NEB: variants seen among roughly 807,000 people sequenced by gnomAD.
The protein encoded by NEB is nemaline myopathy type 2.
Under a neutral mutation model 952.2 loss-of-function variants are expected in NEB, and 512 were observed. The ratio of observed to expected loss-of-function variants is 0.54; its 90% CI spans 0.50 to 0.58. The LOEUF (loss-of-function observed/expected upper bound fraction) is 0.58, where lower values mean the gene tolerates loss of function less well. Ranked by LOEUF, NEB falls within the 20% of genes least tolerant of loss-of-function variation. The pLI is 0.00. For missense variants in NEB, 8,428 were observed against 9,231.1 expected, an observed-to-expected ratio of 0.91 and a Z score of 3.56; for synonymous variants, 2,900 against 3,149.8, an observed-to-expected ratio of 0.92 and a Z score of 2.66.
chr2:151,493,578 C>A, intron 175 of NEB, 133 bp from the exon 176 acceptor site: 2 of 735,932 alleles, frequency 2.7e-6, no homozygotes, highest in Non-Finnish European at 4.3e-6. Context: ...TAAAATGTTA[C>A]GGTAGGAAGC....
intron 143 of NEB, chr2:151,532,216 C>T (rs1005628264): frequency 8.8e-6 from 2 of 226,692 alleles, no homozygotes; most frequent in Non-Finnish European, 8.7e-6. Flanking sequence ...TCTGCCTCAG[C>T]CTCCCAAGTT....
intron 153 of NEB, among the ~76,000 whole-genome samples, chr2:151,523,971 C>A (rs371358588): frequency 2.0e-5 from 3 of 152,284 alleles, no homozygotes; most frequent in African/African-American, 7.2e-5. Context: ...TCCCAGGTGA[C>A]TCAAGTATGA....
intron 71 of NEB, among the ~76,000 whole-genome samples, chr2:151,623,796 C>T (rs1366969551): frequency 6.6e-6 from 1 of 151,770 alleles, no homozygotes; most frequent in Non-Finnish European, 1.5e-5. Context: ...TACATTTTTT[C>T]TTTAGGAATA....
chr2:151,717,914 C>T (rs963458378), intron 9 of NEB, among the ~76,000 whole-genome samples: 3 of 145,540 alleles, frequency 2.1e-5, no homozygotes, highest in South Asian at 2.2e-4. Flanking sequence ...AATGCAGTAG[C>T]GCGATCTCGG....
At chr2:151,618,604 A>T in intron 73 of NEB, 126 bp from the exon 74 acceptor site, 1 of 957,844 alleles carries the variant, frequency 1.0e-6, no homozygotes, top group Non-Finnish European at 1.6e-6. Context: ...ATAGTCATTC[A>T]CTCACTCACG....
At chr2:151,619,382 C>T (rs1315114835) in intron 73 of NEB, 69 bp downstream of exon 73, 1 of 1,418,044 alleles carries the variant, frequency 7.1e-7, no homozygotes, top group Non-Finnish European at 9.5e-7. Context: ...TTCATTGGCA[C>T]TAGTCAGAAC....
chr2:151,703,006 G>C (rs1024089111), intron 13 of NEB, among the ~76,000 whole-genome samples: 39 of 151,894 alleles, frequency 2.6e-4, no homozygotes, highest in African/African-American at 9.4e-4. Context: ...ACCGGTTGTT[G>C]CTTTCCATGT....
rs946188918 is a variant in NEB at position 151,499,317 on chromosome 2, T to C, written c.24095A>G (p.Asn8032Ser). The C allele has an allele frequency of 3.9e-6, 6 of 1,523,714 alleles. No homozygotes were observed. The highest frequency in any genetic ancestry group is 5.3e-6 in the Non-Finnish European group (6 of 1,132,082). The allele number at this position is 1,523,714 out of a possible 1,614,324, so 94.4% of individuals were successfully genotyped here. The change falls in exon 169 of 182, where the codon AAT becomes AGT. Residue 8032 changes from asparagine (N) to serine (S), a missense_variant. Coordinates refer to ENST00000397345, the MANE Select transcript of NEB (RefSeq NM_001164508.2). ...ITPEMERVKH[N>S]QENFSSVLYK... Reference sequence around the variant, plus strand: ...AAATACCGAACTAAAGTTTTCTTGATTGTGTTTGACTCTCTCCATCTCTGG... The same window carrying C: ...AAATACCGAACTAAAGTTTTCTTGACTGTGTTTGACTCTCTCCATCTCTGG...
intron 164 of NEB, 42 bp downstream of exon 164, chr2:151,506,124 G>T: frequency 6.7e-7 from 1 of 1,493,940 alleles, no homozygotes; most frequent in Non-Finnish European, 9.3e-7. Flanking sequence ...AATTATCAAA[G>T]GGAGGCAGAA....
At chr2:151,555,154 C>A (rs747370639) in intron 124 of NEB, 110 bp from the exon 125 acceptor site, 40 of 721,852 alleles carry the variant, frequency 5.5e-5, no homozygotes, top group Non-Finnish European at 9.1e-5. Flanking sequence ...ATCCACCCAG[C>A]GTTGGGGACA....
At chr2:151,713,619 AG>A (rs1161553011) in intron 10 of NEB, among the ~76,000 whole-genome samples, 1 of 152,174 alleles carries the variant, frequency 6.6e-6, no homozygotes, top group Non-Finnish European at 1.5e-5. Context: ...TGGATCTGGA[AG>A]GGAGCAGAGA....
chr2:151,497,954 T>G, intron 170 of NEB: 1 of 1,439,512 alleles, frequency 6.9e-7, no homozygotes, highest in Non-Finnish European at 9.0e-7. Context: ...GTTATTTTTT[T>G]TCATTTTTGT....
intron 77 of NEB, among the ~76,000 whole-genome samples, chr2:151,613,842 T>C (rs2098109644): frequency 6.6e-6 from 1 of 152,212 alleles, no homozygotes; most frequent in Admixed American, 6.5e-5. Flanking sequence ...GTAAGTTTCC[T>C]GAGGCCTTCC....
chr2:151,664,022 T>A (rs76545410), intron 44 of NEB, among the ~76,000 whole-genome samples, 163 bp from the exon 45 acceptor site: 1 of 1,134 alleles, frequency 8.8e-4, no homozygotes, highest in Non-Finnish European at 0.062. Flanking sequence ...TTTTACTTCA[T>A]TTTTTTTTTT....
Position 151,533,464 on chromosome 2 carries a change from T to A in NEB, c.21395A>T (p.Tyr7132Phe). Residue 7132 changes from tyrosine (Y) to phenylalanine (F), a missense_variant, in exon 143 of 182, where the codon TAC becomes TTC. Transcript: ENST00000397345. Reference protein sequence around the residue: ...ILRPDMLTALYNSHMWSQIKY... With the variant: ...ILRPDMLTALFNSHMWSQIKY... ...TACCTGGCTCCACATATGCGAATTGTAGAGAGCAGTCAACATATCTGGACG... is the reference window on the plus strand; with the variant it reads ...TACCTGGCTCCACATATGCGAATTGAAGAGAGCAGTCAACATATCTGGACG... 1 of 1,551,280 alleles carries A rather than the reference T, an allele frequency of 6.4e-7. No individual in the cohort carries two copies. Among genetic ancestry groups the A allele is most frequent in the Non-Finnish European group, 8.7e-7 (1 of 1,146,522 alleles).
At chr2:151,656,714 A>G (rs2099088956) in intron 48 of NEB, among the ~76,000 whole-genome samples, 1 of 152,100 alleles carries the variant, frequency 6.6e-6, no homozygotes. Context: ...TGAGACCCAG[A>G]GAGCTGAGCA....
chr2:151,652,797 A>G (rs1210907425), intron 52 of NEB, among the ~76,000 whole-genome samples: 4 of 152,210 alleles, frequency 2.6e-5, no homozygotes, highest in African/African-American at 4.8e-5. Flanking sequence ...GTTCGAATTA[A>G]TGGGTTCACA....
At chr2:151,560,830 G>A (rs1279678094) in intron 123 of NEB, 131 bp from the exon 124 acceptor site, 3 of 777,340 alleles carry the variant, frequency 3.9e-6, no homozygotes, top group African/African-American at 1.8e-5. Context: ...TCTTTAAGGT[G>A]GGGCTTATTT....
In NEB at chr2:151,666,304, G is replaced by T; in HGVS notation, c.4817C>A (p.Ala1606Asp). 1 of 1,613,868 alleles carries T rather than the reference G, an allele frequency of 6.2e-7. No homozygotes were observed. Among genetic ancestry groups the T allele is most frequent in the Non-Finnish European group, 8.5e-7 (1 of 1,179,844 alleles). The part of the protein sequence containing the change: ...DPKLVHYMNV[A>D]KIQSDREYKK... ...GTACTCACGATCAGACTGGATTTTG[G>T]CCACATTCATGTAGTGAACCAGTTT... Residue 1606 changes from alanine to aspartate, a missense_variant, in exon 41 of 182, where the codon GCC (alanine) becomes GAC (aspartate). This residue lies in a region of NEB where 2,851 missense variants were observed against 2,791.5 expected (regional missense o/e 1.02). Transcript: ENST00000397345.
Sources: allele counts gnomAD v4.1 joint callset (sites outside exome capture counted in the v4.1 genomes callset), GRCh38; gene constraint gnomAD v4.1.1; regional missense constraint gnomAD v4.1.1; transcripts MANE v1.5; gene names NCBI Gene and HGNC (gene_info 2026-07-23, HGNC 2026-07-21).